AGO3: variants seen among roughly 807,000 people sequenced by gnomAD.
AGO3 encodes protein argonaute-3.
Under a neutral mutation model 105.5 loss-of-function variants are expected in AGO3, and 16 were observed. That is an observed-to-expected ratio of 0.15 (90% CI 0.10 to 0.23). The LOEUF (loss-of-function observed/expected upper bound fraction) is 0.23. Ranked by LOEUF, AGO3 falls within the 10% of genes least tolerant of loss-of-function variation. The pLI, the probability that AGO3 is intolerant of heterozygous loss-of-function variation, is 1.00. For synonymous variants in AGO3, 340 were observed against 367.3 expected (o/e 0.93, Z 0.85); for missense variants, 534 against 1,088.0 (o/e 0.49, Z 7.16).
rs77129608 is a variant in AGO3 at position 35,944,482 on chromosome 1, T to A, written c.20-1210T>A. 7.1e-3 allele frequency among the ~76,000 whole-genome samples: 1,073 copies of A among 152,056 alleles called. 10 individuals are homozygous for A. Among genetic ancestry groups the A allele is most frequent in the African/African-American group, 0.025 (1,019 of 41,478 alleles). On this transcript the variant is annotated intron_variant, in intron 1 of 18. Transcript: ENST00000373191. ...ACTTTTTTTCACTTCTGTTATTAGTTAAGCCCTTTTCCTCCTTTTTAAAAG... is the reference window on the plus strand; with the variant it reads ...ACTTTTTTTCACTTCTGTTATTAGTAAAGCCCTTTTCCTCCTTTTTAAAAG...
chr1:35,933,845 G>C (rs1646100354), intron 1 of AGO3, among the ~76,000 whole-genome samples: 2 of 151,852 alleles, frequency 1.3e-5, no homozygotes, highest in Non-Finnish European at 2.9e-5. Context: ...TTGCTCGGTG[G>C]ATACACAGAA....
chr1:36,032,279 G>A (rs1389340083), intron 12 of AGO3, among the ~76,000 whole-genome samples: 1 of 152,052 alleles, frequency 6.6e-6, no homozygotes, highest in African/African-American at 2.4e-5. Flanking sequence ...ATCTCATAAT[G>A]TCTTTGATTT....
rs1197948032 is a variant in AGO3, at chr1:36,060,107, T to G, written c.*4362T>G. On this transcript the variant is annotated 3_prime_UTR_variant, in exon 19 of 19. Transcript: ENST00000373191. ...AGTCTAGCAGGGATTCTAGTAGGAATTACTGAGTGTTTTGGAAGGCACTTG... is the reference window on the plus strand; with the variant it reads ...AGTCTAGCAGGGATTCTAGTAGGAAGTACTGAGTGTTTTGGAAGGCACTTG... 6.6e-6 allele frequency: 1 copy of G among 152,228 alleles called. No homozygotes were observed. The highest frequency in any genetic ancestry group is 1.5e-5 in the Non-Finnish European group (1 of 68,046). The allele number at this position is 152,228 out of a possible 1,614,324, so 9.4% of individuals were successfully genotyped here. A position where few individuals can be genotyped will look rare whatever the true frequency, so the allele number is the denominator to read the frequency against.
intron 13 of AGO3, 82 bp from the exon 14 acceptor site, chr1:36,036,095 A>T: frequency 7.5e-7 from 1 of 1,333,862 alleles, no homozygotes; most frequent in Non-Finnish European, 1.1e-6. Flanking sequence ...CAATAACTTG[A>T]AGTTACGTTG....
At chr1:35,938,899 T>G (rs1646202950) in intron 1 of AGO3, among the ~76,000 whole-genome samples, 1 of 152,178 alleles carries the variant, frequency 6.6e-6, no homozygotes, top group Admixed American at 6.5e-5. Flanking sequence ...GCTTTAGACT[T>G]TCCAACTGGT....
rs567385396 is a variant in AGO3 at position 36,062,429 on chromosome 1, A to G, written c.*6684A>G. 1 of 152,326 alleles carries G rather than the reference A, an allele frequency of 6.6e-6. No homozygotes were observed. Among genetic ancestry groups the G allele is most frequent in the South Asian group, 2.1e-4 (1 of 4,832 alleles). The allele number at this position is 152,326 out of a possible 1,614,324, so 9.4% of individuals were successfully genotyped here. On this transcript the variant is annotated 3_prime_UTR_variant, in exon 19 of 19. Transcript: ENST00000373191. Reference sequence around the variant, plus strand: ...GCAAAATGATAATCTCTATTGTTAGAGAAATTTTCTTTTCTAGACACCAAG... The same window carrying G: ...GCAAAATGATAATCTCTATTGTTAGGGAAATTTTCTTTTCTAGACACCAAG...
rs1255804672 is a variant in AGO3, at chr1:36,071,752, A to G, written c.*16007A>G. The stretch of plus-strand genomic sequence containing the variant: ...GCTACACAGTAACATCAATTAAAAC[A>G]GAAGAGTGAGTCTAAGTCTGTAATA... On this transcript the variant is annotated 3_prime_UTR_variant, in exon 19 of 19. Coordinates refer to ENST00000373191, the MANE Select transcript of AGO3 (RefSeq NM_024852.4). The G allele has an allele frequency of 6.6e-6, 1 of 152,256 alleles. No homozygotes were observed. The highest frequency in any genetic ancestry group is 1.5e-5 in the Non-Finnish European group (1 of 68,042). The allele number at this position is 152,256 out of a possible 1,614,324, so 9.4% of individuals were successfully genotyped here. A position where few individuals can be genotyped will look rare whatever the true frequency, so the allele number is the denominator to read the frequency against.
intron 2 of AGO3, among the ~76,000 whole-genome samples, chr1:35,953,364 ATT>A (rs1646508821): frequency 6.6e-6 from 1 of 151,812 alleles, no homozygotes; most frequent in Non-Finnish European, 1.5e-5. Context: ...ATATGTTATT[ATT>A]TGTCTTTTTA....
chr1:36,009,720 C>A, intron 9 of AGO3, 126 bp downstream of exon 9: 1 of 997,730 alleles, frequency 1.0e-6, no homozygotes, highest in Non-Finnish European at 1.4e-6. Context: ...TAAAAGCAAT[C>A]ATGGAAGTAA....
intron 3 of AGO3, among the ~76,000 whole-genome samples, chr1:35,967,814 T>A (rs1646801969): frequency 6.6e-6 from 1 of 152,182 alleles, no homozygotes; most frequent in Non-Finnish European, 1.5e-5. Context: ...TACTTTTATT[T>A]AATCAACAAT....
intron 16 of AGO3, among the ~76,000 whole-genome samples, chr1:36,041,430 A>G (rs534467463): frequency 8.0e-4 from 122 of 151,836 alleles, no homozygotes; most frequent in Non-Finnish European, 1.3e-3. Flanking sequence ...TTTAGTAGAG[A>G]CAGGGTTTCA....
In AGO3 at chr1:36,061,861, T is replaced by C. The variant is rs1643030791; in HGVS notation, c.*6116T>C. On this transcript the variant is annotated 3_prime_UTR_variant, in exon 19 of 19. Transcript: ENST00000373191. ...ATAAATTATTTTAGAACTCCAAGAGTGTGACAGTTTCATAAAAATAATGTT... is the reference window on the plus strand; with the variant it reads ...ATAAATTATTTTAGAACTCCAAGAGCGTGACAGTTTCATAAAAATAATGTT... 1 of 152,318 alleles carries C rather than the reference T, an allele frequency of 6.6e-6. No individual in the cohort carries two copies. The highest frequency in any genetic ancestry group is 1.9e-4 in the East Asian group (1 of 5,188). 9.4% of individuals were successfully genotyped at this position (152,318 alleles called of 1,614,324 possible).
At chr1:35,979,200 TA>T (rs1193272863) in intron 5 of AGO3, among the ~76,000 whole-genome samples, 1 of 152,032 alleles carries the variant, frequency 6.6e-6, no homozygotes, top group Non-Finnish European at 1.5e-5. Context: ...CCATCTCTAC[TA>T]AAAATACAAA....
chr1:36,025,360 G>C (rs898410212), intron 11 of AGO3, among the ~76,000 whole-genome samples: 2 of 146,456 alleles, frequency 1.4e-5, no homozygotes, highest in African/African-American at 5.1e-5. Context: ...ATGTCACAAG[G>C]ATGGCTTATT....
intron 1 of AGO3, among the ~76,000 whole-genome samples, chr1:35,936,336 C>T (rs1184307552): frequency 6.6e-6 from 1 of 151,530 alleles, no homozygotes; most frequent in East Asian, 1.9e-4. Context: ...AAAATGTGGG[C>T]ATTTTGTGGT....
chr1:35,956,954 G>C (rs2148760611), intron 2 of AGO3, among the ~76,000 whole-genome samples: 1 of 152,054 alleles, frequency 6.6e-6, no homozygotes, highest in South Asian at 2.1e-4. Flanking sequence ...TGGCCTTAAG[G>C]ATCATGATTT....
At chr1:35,976,151 T>C (rs923468930) in intron 5 of AGO3, among the ~76,000 whole-genome samples, 2 of 152,104 alleles carry the variant, frequency 1.3e-5, no homozygotes, top group Non-Finnish European at 2.9e-5. Context: ...GTCAGGCTGG[T>C]CTCGAACTCC....
chr1:36,049,995 G>A (rs1263444945), intron 17 of AGO3, among the ~76,000 whole-genome samples: 1 of 152,192 alleles, frequency 6.6e-6, no homozygotes. Context: ...CACTGTCAGC[G>A]CTTGACAGAT....
At chr1:35,991,173 G>A (rs1182486732) in intron 5 of AGO3, among the ~76,000 whole-genome samples, 2 of 152,106 alleles carry the variant, frequency 1.3e-5, no homozygotes, top group Non-Finnish European at 1.5e-5. Context: ...GCATGGTGGT[G>A]TGCATCTGTA....
Sources: gnomAD v4.1 joint callset for allele counts (sites outside exome capture counted in the v4.1 genomes callset) on GRCh38, gnomAD v4.1.1 for gene constraint, MANE v1.5 for transcripts, NCBI Gene and HGNC (gene_info 2026-07-23, HGNC 2026-07-21) for gene names.